The following TTC21B variants were observed in gnomAD, a reference collection of about 807,000 sequenced individuals.
TTC21B encodes tetratricopeptide repeat protein 21B.
Under a neutral mutation model 175.1 loss-of-function variants are expected in TTC21B, and 127 were observed. That is an observed-to-expected ratio of 0.73 (90% confidence interval 0.63 to 0.84). The LOEUF (loss-of-function observed/expected upper bound fraction) is 0.84. Ranked by LOEUF, TTC21B falls within the 40% of genes least tolerant of loss-of-function variation. The pLI, the probability that TTC21B is intolerant of heterozygous loss-of-function variation, is 0.00. For synonymous variants in TTC21B, 524 were observed against 524.5 expected, an observed-to-expected ratio of 1.00 and a Z score of 0.01; for missense variants, 1,561 against 1,558.3, an observed-to-expected ratio of 1.00 and a Z score of -0.03.
At chr2:165,898,813 C>T in intron 21 of TTC21B, 46 bp from the exon 22 acceptor site, 1 of 1,143,792 alleles carries the variant, frequency 8.7e-7, no homozygotes, top group East Asian at 2.3e-5. Context: ...ATGTATTTTA[C>T]ACAACATGTT....
chr2:165,925,715 C>T (rs1304288744), intron 11 of TTC21B, among the ~76,000 whole-genome samples: 1 of 152,114 alleles, frequency 6.6e-6, no homozygotes. Flanking sequence ...CTGTATAATA[C>T]CCATACAGTT....
chr2:165,895,160 G>A (rs1048628468), intron 22 of TTC21B, among the ~76,000 whole-genome samples: 8 of 152,088 alleles, frequency 5.3e-5, no homozygotes, highest in African/African-American at 1.9e-4. Context: ...GGAAGCTAAA[G>A]TTCATTTTAG....
intron 11 of TTC21B, among the ~76,000 whole-genome samples, chr2:165,925,740 A>G (rs750348849): frequency 6.6e-6 from 1 of 152,148 alleles, no homozygotes; most frequent in South Asian, 2.1e-4. Context: ...TGGTAGTTTC[A>G]TATTTAGTTT....
At chr2:165,911,704 C>A (rs971320579) in intron 17 of TTC21B, among the ~76,000 whole-genome samples, 1 of 151,586 alleles carries the variant, frequency 6.6e-6, no homozygotes, top group Non-Finnish European at 1.5e-5. Flanking sequence ...ACTCCATCAC[C>A]CAGGCTGGAG....
intron 19 of TTC21B, among the ~76,000 whole-genome samples, chr2:165,905,107 C>T (rs930115085): frequency 6.6e-6 from 1 of 151,968 alleles, no homozygotes; most frequent in African/African-American, 2.4e-5. Context: ...AACAAAGTTT[C>T]AAACAACTAA....
chr2:165,898,775 G>A lies in TTC21B; in HGVS notation c.2869-8C>T. On this transcript the variant is annotated splice_region_variant and splice_polypyrimidine_tract_variant and intron_variant, in intron 21 of 28. Transcript: ENST00000243344. ...CATGAGATCAGCCATCATCTATAAAGATAAAAGTTGGTTCTAAAAATATTG... is the reference window on the plus strand; with the variant it reads ...CATGAGATCAGCCATCATCTATAAAAATAAAAGTTGGTTCTAAAAATATTG... The A allele has an allele frequency of 1.9e-6, 3 of 1,593,240 alleles. No individual in the cohort carries two copies. The highest frequency in any genetic ancestry group is 2.6e-6 in the Non-Finnish European group (3 of 1,161,336).
At chr2:165,939,336 A>C (rs966065139) in intron 6 of TTC21B, among the ~76,000 whole-genome samples, 1 of 152,210 alleles carries the variant, frequency 6.6e-6, no homozygotes, top group Non-Finnish European at 1.5e-5. Context: ...AGATTCTAAG[A>C]CTATAAACCT....
intron 22 of TTC21B, among the ~76,000 whole-genome samples, chr2:165,891,574 AATTCATTC>A (rs3032516): frequency 0.025 from 3,747 of 149,390 alleles, 95 homozygotes; most frequent in East Asian, 0.077. Flanking sequence ...TTCTAAAAAA[AATTCATTC>A]ATTCATTCAT....
Position 165,890,917 on chromosome 2 carries a change from A to G in TTC21B, c.3022T>C (p.Phe1008Leu). Residue 1008 changes from phenylalanine (F) to leucine (L), a missense_variant, in exon 23 of 29, where the codon TTT (phenylalanine) becomes CTT (leucine). Phe to Leu is a conservative substitution (Grantham distance 22, BLOSUM62 0). Coordinates refer to ENST00000243344, the MANE Select transcript of TTC21B (RefSeq NM_024753.5). Reference protein sequence around the residue: ...RCGKLEDVPRFFSMAEKRNSR... With the variant: ...RCGKLEDVPRLFSMAEKRNSR... ...TTACGTTTCTCAGCCATTGAGAAAAATCTTGGGACATCCTCGAGTTTTCCA... is the reference window on the plus strand; with the variant it reads ...TTACGTTTCTCAGCCATTGAGAAAAGTCTTGGGACATCCTCGAGTTTTCCA... 6.2e-7 allele frequency: 1 copy of G among 1,613,208 alleles called. No homozygotes were observed. Among genetic ancestry groups the G allele is most frequent in the Non-Finnish European group, 8.5e-7 (1 of 1,179,356 alleles).
chr2:165,900,934 C>T (rs1685540434), intron 20 of TTC21B, among the ~76,000 whole-genome samples: 1 of 138,656 alleles, frequency 7.2e-6, no homozygotes. Context: ...CAGGGTATTG[C>T]TTTGTTACCC....
At chr2:165,928,806 C>T (rs1260724333) in intron 11 of TTC21B, 1 of 305,028 alleles carries the variant, frequency 3.3e-6, no homozygotes, top group Non-Finnish European at 6.3e-6. Flanking sequence ...TTAGTGTGTC[C>T]AGACATGGGA....
At chr2:165,929,106 C>T (rs903806981) in intron 11 of TTC21B, 29 bp downstream of exon 11, 2 of 1,594,472 alleles carry the variant, frequency 1.3e-6, no homozygotes, top group Admixed American at 3.3e-5. Flanking sequence ...GTAAACGCAT[C>T]CTTGAAAGTA....
intron 20 of TTC21B, among the ~76,000 whole-genome samples, chr2:165,901,428 C>T (rs1685554666): frequency 6.6e-6 from 1 of 152,090 alleles, no homozygotes; most frequent in South Asian, 2.1e-4. Context: ...TCAAGCGATT[C>T]TCCTGCCTTA....
At chr2:165,910,141 C>T (rs1190313006) in intron 18 of TTC21B, among the ~76,000 whole-genome samples, 4 of 152,072 alleles carry the variant, frequency 2.6e-5, no homozygotes, top group Non-Finnish European at 5.9e-5. Flanking sequence ...CGGTGGCTCA[C>T]GCCTGTAATC....
At chr2:165,883,598 C>CT (rs1559038050) in intron 26 of TTC21B, among the ~76,000 whole-genome samples, 196 bp downstream of exon 26, 1 of 151,990 alleles carries the variant, frequency 6.6e-6, no homozygotes, top group Admixed American at 6.6e-5. Context: ...ATAAATCTTT[C>CT]TTTTTTTTAA....
At chr2:165,902,095 C>G (rs1429757129) in intron 19 of TTC21B, among the ~76,000 whole-genome samples, 185 bp from the exon 20 acceptor site, 1 of 152,166 alleles carries the variant, frequency 6.6e-6, no homozygotes, top group Non-Finnish European at 1.5e-5. Flanking sequence ...TGAGCCAGCA[C>G]ACATATATCT....
chr2:165,892,132 G>C (rs755209702), intron 22 of TTC21B, among the ~76,000 whole-genome samples: 7 of 152,046 alleles, frequency 4.6e-5, no homozygotes, highest in African/African-American at 1.7e-4. Flanking sequence ...TTTCTTTATA[G>C]TGGTGTCTTT....
chr2:165,953,006 T>A (rs945815638), intron 1 of TTC21B, among the ~76,000 whole-genome samples: 1 of 152,248 alleles, frequency 6.6e-6, no homozygotes, highest in Non-Finnish European at 1.5e-5. Context: ...AACTGTTCAG[T>A]TTTGCTCACT....
At position 165,912,609 on chromosome 2, in the gene TTC21B, C is replaced by G. The variant is rs183367929; in HGVS notation, c.2227G>C (p.Val743Leu). 7 of 1,613,874 alleles carry G rather than the reference C, an allele frequency of 4.3e-6. No homozygotes were observed. The highest frequency in any genetic ancestry group is 5.9e-6 in the Non-Finnish European group (7 of 1,179,938). Residue 743 changes from valine to leucine, a missense_variant, in exon 17 of 29, where the codon GTA becomes CTA. Transcript: ENST00000243344. The part of the protein sequence containing the change: ...MNILEPEEAI[V>L]AYEQALNQNP... ...TGATTTAATGCTTGCTCATATGCTA[C>G]TATGGCTTCTTCAGGCTAATATTGC...
Sources: gnomAD v4.1 joint callset for allele counts (sites outside exome capture counted in the v4.1 genomes callset) on GRCh38, gnomAD v4.1.1 for gene constraint, MANE v1.5 for transcripts, NCBI Gene and HGNC (gene_info 2026-07-23, HGNC 2026-07-21) for gene names.